Variants in CFAP95 observed in about 807,000 individuals in gnomAD.
CFAP95 encodes the protein cilia and flagella associated protein 95.
chr9:69,823,016 G>T, the CFAP95 span, among the ~76,000 whole-genome samples: 37 of 152,280 alleles, frequency 2.4e-4, no homozygotes, highest in Middle Eastern at 6.8e-3. Flanking sequence ...GTAGCTGTAT[G>T]AGTACATTTT....
chr9:69,832,694 C>CT, the CFAP95 span, among the ~76,000 whole-genome samples: 29,967 of 75,960 alleles, frequency 0.39, 4,849 homozygotes, highest in Non-Finnish European at 0.46. Context: ...TAGGCCTAAA[C>CT]TTTTTTTTTT....
At chr9:69,892,038 G>GA in the CFAP95 span, among the ~76,000 whole-genome samples, 1 of 152,156 alleles carries the variant, frequency 6.6e-6, no homozygotes, top group African/African-American at 2.4e-5. Context: ...AGTTTCTACA[G>GA]AGTTTGTTTT....
the CFAP95 span, chr9:69,820,903 C>T: frequency 6.2e-7 from 1 of 1,614,074 alleles, no homozygotes; most frequent in East Asian, 2.2e-5. Context: ...ACAGATCCTG[C>T]CAGGACTGGT....
chr9:69,872,063 G>A, the CFAP95 span, among the ~76,000 whole-genome samples: 13 of 152,318 alleles, frequency 8.5e-5, no homozygotes, highest in South Asian at 2.7e-3. Context: ...ACTCAGAGGG[G>A]TAAAGTGACT....
the CFAP95 span, among the ~76,000 whole-genome samples, chr9:69,865,233 G>A: frequency 1.3e-5 from 2 of 152,144 alleles, no homozygotes; most frequent in African/African-American, 4.8e-5. Context: ...CCCCAGCCAT[G>A]CCGAACTGTG....
At chr9:69,827,925 G>A in the CFAP95 span, among the ~76,000 whole-genome samples, 3 of 152,280 alleles carry the variant, frequency 2.0e-5, no homozygotes, top group Non-Finnish European at 4.4e-5. Flanking sequence ...TGGAAAGAGA[G>A]CGAGCAGATG....
the CFAP95 span, among the ~76,000 whole-genome samples, chr9:69,843,348 C>T: frequency 2.0e-5 from 3 of 151,938 alleles, no homozygotes; most frequent in Non-Finnish European, 4.4e-5. Flanking sequence ...CTATATTTCA[C>T]TCAAGAAAGT....
At chr9:69,901,382 C>T in the CFAP95 span, among the ~76,000 whole-genome samples, 2 of 152,134 alleles carry the variant, frequency 1.3e-5, no homozygotes. Flanking sequence ...CGTGATCCAC[C>T]TGCCTCGGCC....
At chr9:69,895,763 A>G in the CFAP95 span, among the ~76,000 whole-genome samples, 1 of 152,078 alleles carries the variant, frequency 6.6e-6, no homozygotes, top group African/African-American at 2.4e-5. Context: ...ATTTCTCCAG[A>G]AACTTAACTT....
At chr9:69,903,472 T>A in the CFAP95 span, among the ~76,000 whole-genome samples, 1 of 152,228 alleles carries the variant, frequency 6.6e-6, no homozygotes, top group Non-Finnish European at 1.5e-5. Context: ...ATGGGTGAGC[T>A]GGAGCCAGCT....
the CFAP95 span, among the ~76,000 whole-genome samples, chr9:69,831,984 A>G: frequency 6.6e-6 from 1 of 152,236 alleles, no homozygotes; most frequent in East Asian, 1.9e-4. Flanking sequence ...AGATGGGTGA[A>G]AACAGCAGAA....
chr9:69,900,959 G>A, the CFAP95 span, among the ~76,000 whole-genome samples: 2 of 152,042 alleles, frequency 1.3e-5, no homozygotes, highest in South Asian at 2.1e-4. Context: ...TTGGTGTGCT[G>A]CACCTATTAA....
At chr9:69,881,533 T>C in the CFAP95 span, among the ~76,000 whole-genome samples, 1 of 152,230 alleles carries the variant, frequency 6.6e-6, no homozygotes, top group South Asian at 2.1e-4. Flanking sequence ...GTGTCTGTTT[T>C]TATGCTAATA....
At chr9:69,883,658 C>T in the CFAP95 span, among the ~76,000 whole-genome samples, 4 of 151,976 alleles carry the variant, frequency 2.6e-5, no homozygotes, top group African/African-American at 7.2e-5. Context: ...TCTAGATTTT[C>T]TAATTTATTG....
chr9:69,906,006 A>G, the CFAP95 span: 1 of 1,612,558 alleles, frequency 6.2e-7, no homozygotes, highest in East Asian at 2.2e-5. Context: ...TGCCGTTCTC[A>G]GTTCACGGAT....
chr9:69,863,112 C>T, the CFAP95 span, among the ~76,000 whole-genome samples: 2 of 152,068 alleles, frequency 1.3e-5, no homozygotes, highest in African/African-American at 2.4e-5. Flanking sequence ...CTTTGAGTCC[C>T]GATTGAGCTT....
the CFAP95 span, among the ~76,000 whole-genome samples, chr9:69,887,519 G>A: frequency 4.6e-5 from 7 of 152,150 alleles, no homozygotes; most frequent in Admixed American, 4.6e-4. Flanking sequence ...TAAGACAATA[G>A]CTTTCCTTCA....
the CFAP95 span, among the ~76,000 whole-genome samples, chr9:69,826,146 A>G: frequency 6.6e-6 from 1 of 152,178 alleles, no homozygotes; most frequent in Non-Finnish European, 1.5e-5. Context: ...AATTAGAATT[A>G]AAGAGGGGAA....
the CFAP95 span, among the ~76,000 whole-genome samples, chr9:69,852,125 C>G: frequency 1.3e-5 from 2 of 151,270 alleles, no homozygotes; most frequent in Admixed American, 6.6e-5. Flanking sequence ...TAAGTATGGT[C>G]TTTGTGATGA....
Sources: allele counts gnomAD v4.1 joint callset (sites outside exome capture counted in the v4.1 genomes callset), GRCh38; gene constraint gnomAD v4.1.1; transcripts MANE v1.5; gene names NCBI Gene and HGNC (gene_info 2026-07-23, HGNC 2026-07-21).